SPATA13: variants seen among roughly 807,000 people sequenced by gnomAD.
The protein encoded by SPATA13 is spermatogenesis-associated protein 13.
A neutral mutation model predicts 104.0 loss-of-function variants in SPATA13; 50 were observed. The observed-to-expected ratio is 0.48, with a 90% confidence interval of 0.38 to 0.61. The LOEUF is 0.61. SPATA13 is among the 20% of genes least tolerant of loss of function. The pLI is 0.00. For synonymous variants in SPATA13, 606 were observed against 667.5 expected, an observed-to-expected ratio of 0.91 and a Z score of 1.42; for missense variants, 1,524 against 1,690.6, an observed-to-expected ratio of 0.90 and a Z score of 1.73.
At chr13:24,106,014 T>A (rs1159032792) in intron 3 of SPATA13, among the ~76,000 whole-genome samples, 7 of 152,200 alleles carry the variant, frequency 4.6e-5, no homozygotes, top group Non-Finnish European at 1.0e-4. Context: ...AGCTACCCAA[T>A]CTGTGGTACT....
chr13:24,260,162 C>T lies in SPATA13; in HGVS notation c.2164+8300C>T, dbSNP rs115492621. The stretch of plus-strand genomic sequence containing the variant: ...GAGTAGAAACGGGGAGCATGTCAGT[C>T]GGATCTGGGCTGTCCCAAGCCCTCA... On this transcript the variant is annotated intron_variant, in intron 4 of 12. Coordinates refer to ENST00000382108, the MANE Select transcript of SPATA13 (RefSeq NM_001166271.3). 7.9e-3 allele frequency among the ~76,000 whole-genome samples: 1,206 copies of T among 152,246 alleles called. 19 individuals carry two copies. The highest frequency in any genetic ancestry group is 0.027 in the African/African-American group (1,119 of 41,514).
At position 24,048,830 on chromosome 13, in the gene SPATA13, G is replaced by A. The variant is rs115821224; in HGVS notation, c.-112+31129G>A. Among the ~76,000 whole-genome samples, 1,434 of 152,258 alleles carry A rather than the reference G, an allele frequency of 9.4e-3. 28 individuals are homozygous for A. The highest frequency in any genetic ancestry group is 0.031 in the African/African-American group (1,295 of 41,544). The stretch of plus-strand genomic sequence containing the variant: ...GTAATTCAAACTAGAAGACCTTGTA[G>A]CAAATTTATCGCATCCAGGAAAAGT... On this transcript the variant is annotated intron_variant, in intron 3 of 14. Coordinates refer to the SPATA13 transcript ENST00000424834.
chr13:24,164,701 G>A (rs1882649496), intron 1 of SPATA13, among the ~76,000 whole-genome samples: 1 of 152,178 alleles, frequency 6.6e-6, no homozygotes, highest in South Asian at 2.1e-4. Flanking sequence ...TGGACCCCGG[G>A]CTGCCTGGCT....
At chr13:24,185,567 C>G (rs1869091104) in intron 1 of SPATA13, among the ~76,000 whole-genome samples, 1 of 152,094 alleles carries the variant, frequency 6.6e-6, no homozygotes, top group Admixed American at 6.6e-5. Context: ...GACATAATGA[C>G]TATTGATAAG....
chr13:24,172,808 C>T (rs1436214969), intron 1 of SPATA13, among the ~76,000 whole-genome samples: 1 of 152,164 alleles, frequency 6.6e-6, no homozygotes, highest in Non-Finnish European at 1.5e-5. Context: ...TTTTAGCTAG[C>T]TCCCTTCCCT....
upstream of SPATA13, among the ~76,000 whole-genome samples, chr13:24,158,632 G>A (rs912036187): frequency 6.6e-6 from 1 of 152,066 alleles, no homozygotes; most frequent in Non-Finnish European, 1.5e-5. Flanking sequence ...TATCCCAGGC[G>A]CTCAAAAGGT....
chr13:24,169,661 G>T (rs1018240621), intron 1 of SPATA13, among the ~76,000 whole-genome samples: 49 of 152,316 alleles, frequency 3.2e-4, no homozygotes, highest in African/African-American at 1.1e-3. Flanking sequence ...TCGCTTCTCA[G>T]CGGGAACTCA....
rs148899511 is a variant in SPATA13 at position 24,021,469 on chromosome 13, G to C, written c.-112+3768G>C. On this transcript the variant is annotated intron_variant, in intron 3 of 14. Coordinates refer to the SPATA13 transcript ENST00000424834. ...GATTGTACCACTCTACTCCAGTCTG[G>C]GTGACAGAACGAGACCTTGTCTCTT... is the stretch of plus-strand genomic sequence containing the variant. Among the ~76,000 whole-genome samples, 73 of 152,212 alleles carry C rather than the reference G, an allele frequency of 4.8e-4. 2 individuals are homozygous for C. The Middle Eastern group carries it at 0.01, about 21-fold the overall frequency.
chr13:24,064,523 A>G (rs1878882445), intron 3 of SPATA13, among the ~76,000 whole-genome samples: 1 of 152,064 alleles, frequency 6.6e-6, no homozygotes, highest in African/African-American at 2.4e-5. Context: ...GTTTTTATAA[A>G]AGAGCCCCCA....
intron 2 of SPATA13, among the ~76,000 whole-genome samples, chr13:24,227,437 A>C (rs1414704897): frequency 6.6e-6 from 1 of 152,226 alleles, no homozygotes; most frequent in African/African-American, 2.4e-5. Flanking sequence ...CTACCCACAA[A>C]AGATCACCAA....
At position 24,295,125 on chromosome 13, in the gene SPATA13, G is replaced by C. The variant is rs570061634; in HGVS notation, c.3210+257G>C. Among the ~76,000 whole-genome samples the C allele has an allele frequency of 1.3e-3, 200 of 152,062 alleles. 1 individual carries two copies. The highest frequency in any genetic ancestry group is 2.2e-3 in the Non-Finnish European group (151 of 67,970). Reference sequence around the variant, plus strand: ...TATTGCTGAGCCTCTCTCTCTCCTCGTAGAGGGAGTACCGTGGGAACAGTA... The same window carrying C: ...TATTGCTGAGCCTCTCTCTCTCCTCCTAGAGGGAGTACCGTGGGAACAGTA... On this transcript the variant is annotated intron_variant, in intron 10 of 12. Coordinates refer to ENST00000382108, the MANE Select transcript of SPATA13 (RefSeq NM_001166271.3).
At chr13:24,009,710 A>G (rs1297075891) in intron 2 of SPATA13, among the ~76,000 whole-genome samples, 3 of 152,240 alleles carry the variant, frequency 2.0e-5, no homozygotes, top group Non-Finnish European at 4.4e-5. Context: ...AAGTTTTATC[A>G]TATAGATGAA....
At chr13:24,032,895 C>T (rs1269066430) in intron 3 of SPATA13, among the ~76,000 whole-genome samples, 1 of 152,132 alleles carries the variant, frequency 6.6e-6, no homozygotes, top group African/African-American at 2.4e-5. Context: ...ATTAATTGGT[C>T]ACCAACACTG....
At chr13:24,081,852 C>G (rs931575498) in intron 3 of SPATA13, among the ~76,000 whole-genome samples, 84 of 152,226 alleles carry the variant, frequency 5.5e-4, no homozygotes, top group African/African-American at 2.0e-3. Context: ...CCCAGGTTGC[C>G]TTTCACTTTC....
upstream of SPATA13, among the ~76,000 whole-genome samples, chr13:24,158,012 A>G (rs915976807): frequency 3.9e-5 from 6 of 152,214 alleles, no homozygotes; most frequent in Non-Finnish European, 7.3e-5. Context: ...TCCAACAAAT[A>G]TTAAGGGAAA....
At chr13:24,103,714 G>A (rs1385872660) in intron 3 of SPATA13, among the ~76,000 whole-genome samples, 1 of 152,114 alleles carries the variant, frequency 6.6e-6, no homozygotes, top group Non-Finnish European at 1.5e-5. Context: ...TTGGCAGAAG[G>A]TGCTATTTTC....
chr13:24,189,198 G>A (rs985409382), intron 1 of SPATA13, among the ~76,000 whole-genome samples: 2 of 152,022 alleles, frequency 1.3e-5, no homozygotes, highest in Admixed American at 6.6e-5. Context: ...CAGGCCAGGC[G>A]TGGTGGCTCA....
At chr13:23,982,450 T>C (rs1874945446) in intron 1 of SPATA13, among the ~76,000 whole-genome samples, 1 of 152,234 alleles carries the variant, frequency 6.6e-6, no homozygotes, top group East Asian at 1.9e-4. Context: ...ACACTCTTCA[T>C]AAATATTAAC....
intron 3 of SPATA13, among the ~76,000 whole-genome samples, chr13:24,117,951 C>T (rs923000911): frequency 1.3e-5 from 2 of 152,110 alleles, no homozygotes; most frequent in African/African-American, 4.8e-5. Flanking sequence ...ACGATTATTT[C>T]ACTTTTCAAA....
Sources: allele counts gnomAD v4.1 joint callset (sites outside exome capture counted in the v4.1 genomes callset), GRCh38; gene constraint gnomAD v4.1.1; transcripts MANE v1.5; gene names NCBI Gene and HGNC (gene_info 2026-07-23, HGNC 2026-07-21).